The following ERBIN variants were observed in gnomAD, a reference collection of about 807,000 sequenced individuals.
The protein encoded by ERBIN is densin-180-like protein.
In ERBIN, 60 loss-of-function variants were observed where a neutral mutation model predicts 158.4. The ratio of observed to expected loss-of-function variants is 0.38; its 90% CI spans 0.31 to 0.47. The LOEUF (loss-of-function observed/expected upper bound fraction) is 0.47. Among genes scored for constraint, ERBIN ranks in the 20% least tolerant of loss-of-function variants. The probability of loss-of-function intolerance (pLI) is 0.99; values close to 1 mark genes in which losing one functional copy is unlikely to be tolerated. For missense variants in ERBIN, 1,610 were observed against 1,648.0 expected (o/e 0.98, Z 0.40); for synonymous variants, 594 against 557.2 (o/e 1.07, Z -0.93).
intron 4 of ERBIN, among the ~76,000 whole-genome samples, chr5:66,007,307 C>T (rs1428782472): frequency 6.6e-6 from 1 of 152,048 alleles, no homozygotes; most frequent in Non-Finnish European, 1.5e-5. Flanking sequence ...CCAAACACTG[C>T]ATGTTCTCAC....
intron 1 of ERBIN, among the ~76,000 whole-genome samples, chr5:65,973,005 G>T (rs922275429): frequency 5.3e-5 from 8 of 151,188 alleles, no homozygotes; most frequent in Non-Finnish European, 1.0e-4. Flanking sequence ...TTAGGGGAAA[G>T]AATAAACTTA....
intron 22 of ERBIN, among the ~76,000 whole-genome samples, chr5:66,074,415 T>C (rs1465994570): frequency 7.3e-6 from 1 of 137,284 alleles, no homozygotes; most frequent in Non-Finnish European, 1.5e-5. Context: ...ATGGAATTAA[T>C]AATAAGAGAT....
chr5:66,001,903 C>T (rs753163275), intron 4 of ERBIN, among the ~76,000 whole-genome samples: 3 of 151,940 alleles, frequency 2.0e-5, no homozygotes, highest in Admixed American at 1.3e-4. Context: ...CCTATCAACC[C>T]GTCATCTAGG....
intron 2 of ERBIN, 55 bp from the exon 3 acceptor site, chr5:65,992,655 T>G: frequency 7.6e-7 from 1 of 1,316,398 alleles, no homozygotes; most frequent in Non-Finnish European, 1.0e-6. Flanking sequence ...TGATTTGTTC[T>G]GAAAAACCGT....
At chr5:65,940,823 C>T (rs1254897597) in intron 1 of ERBIN, among the ~76,000 whole-genome samples, 3 of 152,066 alleles carry the variant, frequency 2.0e-5, no homozygotes, top group Non-Finnish European at 2.9e-5. Flanking sequence ...GTGTACCCAA[C>T]AGCTCATTGA....
rs367928506 is a variant in ERBIN at position 66,025,619 on chromosome 5, T to G, written c.890+67T>G. On this transcript the variant is annotated intron_variant, in intron 11 of 25. Transcript: ENST00000284037. The stretch of plus-strand genomic sequence containing the variant: ...TTCAGTTCAGCATGCCATACATATT[T>G]TCAGGTATTTGCATAAATGACCTAA... The G allele has an allele frequency of 2.0e-5, 25 of 1,227,494 alleles. No individual in the cohort carries two copies. The African/African-American group carries it at 2.3e-4, about 11-fold the overall frequency. The allele number at this position is 1,227,494 out of a possible 1,614,324, so 76.0% of individuals were successfully genotyped here. A position where few individuals can be genotyped will look rare whatever the true frequency, so the allele number is the denominator to read the frequency against.
chr5:66,037,288 G>T (rs1757489929), intron 14 of ERBIN, among the ~76,000 whole-genome samples: 1 of 152,040 alleles, frequency 6.6e-6, no homozygotes, highest in Admixed American at 6.6e-5. Context: ...TAGGACAGGA[G>T]ATTGACTATG....
intron 1 of ERBIN, among the ~76,000 whole-genome samples, chr5:65,973,221 G>A (rs1749461133): frequency 6.6e-6 from 1 of 150,698 alleles, no homozygotes; most frequent in Admixed American, 6.6e-5. Flanking sequence ...CTTGGACACA[G>A]GAAGGGGAAC....
At chr5:65,938,371 CTTTTTT>C (rs4019046) in intron 1 of ERBIN, among the ~76,000 whole-genome samples, 1 of 121,642 alleles carries the variant, frequency 8.2e-6, no homozygotes, top group African/African-American at 3.0e-5. Flanking sequence ...AGGCATAGGT[CTTTTTT>C]TTTTTTTTTT....
chr5:65,931,014 ATATCTAAAAATTCACTT>A (rs1743308486), intron 1 of ERBIN, among the ~76,000 whole-genome samples: 1 of 141,008 alleles, frequency 7.1e-6, no homozygotes, highest in African/African-American at 3.2e-5. Flanking sequence ...GAAAAGGAGA[ATATCTAAAAATTCACTT>A]TGTGGAAGAC....
chr5:66,013,462 G>A, intron 5 of ERBIN, 87 bp from the exon 6 acceptor site: 1 of 969,338 alleles, frequency 1.0e-6, no homozygotes. Context: ...TCTGTCTGTT[G>A]GGAAAATATC....
intron 14 of ERBIN, among the ~76,000 whole-genome samples, chr5:66,033,906 C>T (rs903528587): frequency 1.1e-4 from 17 of 152,024 alleles, no homozygotes; most frequent in African/African-American, 4.1e-4. Context: ...GTCAGGAATT[C>T]AAGACCAGCC....
intron 4 of ERBIN, among the ~76,000 whole-genome samples, chr5:65,999,705 T>TTAGATCA (rs1752829257): frequency 6.6e-6 from 1 of 152,214 alleles, no homozygotes; most frequent in Non-Finnish European, 1.5e-5. Context: ...TTAGATCAGT[T>TTAGATCA]GGCTTTTGAT....
intron 21 of ERBIN, among the ~76,000 whole-genome samples, chr5:66,060,216 G>T (rs370913524): frequency 4.8e-4 from 73 of 152,198 alleles, no homozygotes; most frequent in Admixed American, 3.3e-3. Flanking sequence ...CAATTTCAGA[G>T]CCTGTTATTG....
intron 21 of ERBIN, among the ~76,000 whole-genome samples, chr5:66,060,186 T>C (rs938312410): frequency 3.3e-5 from 5 of 152,220 alleles, no homozygotes; most frequent in African/African-American, 7.2e-5. Flanking sequence ...TTTTGGTTGG[T>C]AAGCTATTAA....
chr5:65,957,904 G>T (rs1452795768), intron 1 of ERBIN, among the ~76,000 whole-genome samples: 2 of 151,900 alleles, frequency 1.3e-5, no homozygotes, highest in African/African-American at 4.8e-5. Flanking sequence ...CTCAGCCGGG[G>T]CGGCTGCCGG....
intron 4 of ERBIN, among the ~76,000 whole-genome samples, chr5:66,005,212 G>A (rs1753460523): frequency 6.6e-6 from 1 of 152,154 alleles, no homozygotes; most frequent in Non-Finnish European, 1.5e-5. Flanking sequence ...ATGCTTGAAG[G>A]TGGAATCAAT....
At chr5:65,984,574 C>T (rs116268937) in intron 1 of ERBIN, among the ~76,000 whole-genome samples, 1,674 of 152,332 alleles carry the variant, frequency 0.011, 28 homozygotes, top group Middle Eastern at 0.065. Context: ...TAAGAGAGGG[C>T]CGCAGAGGGA....
At chr5:66,044,087 T>G in intron 16 of ERBIN, 50 bp from the exon 17 acceptor site, 2 of 1,357,458 alleles carry the variant, frequency 1.5e-6, no homozygotes, top group Non-Finnish European at 2.0e-6. Flanking sequence ...TGTTTGAGAT[T>G]GACATTAGAA....
Sources: allele counts gnomAD v4.1 joint callset (sites outside exome capture counted in the v4.1 genomes callset), GRCh38; gene constraint gnomAD v4.1.1; transcripts MANE v1.5; gene names NCBI Gene and HGNC (gene_info 2026-07-23, HGNC 2026-07-21).